UBE2J1: variants seen among roughly 807,000 people sequenced by gnomAD.
UBE2J1 encodes the protein ubiquitin conjugating enzyme E2 J1.
Under a neutral mutation model 42.1 loss-of-function variants are expected in UBE2J1, and 17 were observed. The observed-to-expected ratio is 0.40, with a 90% CI of 0.28 to 0.61. The LOEUF is 0.61. Among genes scored for constraint, UBE2J1 ranks in the 20% least tolerant of loss-of-function variants. UBE2J1 has a pLI of 0.38. For synonymous variants in UBE2J1, 127 were observed against 137.2 expected, an observed-to-expected ratio of 0.93 and a Z score of 0.52; for missense variants, 291 against 389.4, an observed-to-expected ratio of 0.75 and a Z score of 2.13.
chr6:89,338,081 A>G, intron 5 of UBE2J1, 124 bp downstream of exon 5: 3 of 615,944 alleles, frequency 4.9e-6, no homozygotes, highest in Non-Finnish European at 8.2e-6. Flanking sequence ...CAAAACTGAG[A>G]TAAGATCCTG....
intron 3 of UBE2J1, 92 bp downstream of exon 3, chr6:89,342,232 A>G (rs1236417513): frequency 1.4e-6 from 2 of 1,451,474 alleles, no homozygotes; most frequent in South Asian, 2.4e-5. Flanking sequence ...ATACTGTTCT[A>G]TTATTTCTTA....
At chr6:89,344,257 C>T (rs1468757027) in intron 1 of UBE2J1, among the ~76,000 whole-genome samples, 1 of 152,148 alleles carries the variant, frequency 6.6e-6, no homozygotes, top group Non-Finnish European at 1.5e-5. Context: ...GGATCTCATG[C>T]TCGGTGAACA....
At chr6:89,333,332 G>T in intron 6 of UBE2J1, 127 bp from the exon 7 acceptor site, 1 of 1,105,082 alleles carries the variant, frequency 9.0e-7, no homozygotes, top group Non-Finnish European at 1.3e-6. Context: ...CTATTATCAG[G>T]CAGTTAATCA....
rs750627598 is a variant in UBE2J1 at position 89,343,674 on chromosome 6, G to C, written c.105+9C>G. ...AATCCATATGAAGAACATGGAGATA[G>C]AAACTAACCTCTAAAGGCTGCGCAT... On this transcript the variant is annotated intron_variant, in intron 2 of 7. Coordinates refer to ENST00000435041, the MANE Select transcript of UBE2J1 (RefSeq NM_016021.3). 9 of 1,582,972 alleles carry C rather than the reference G, an allele frequency of 5.7e-6. No individual in the cohort carries two copies. Among genetic ancestry groups the C allele is most frequent in the Non-Finnish European group, 7.7e-6 (9 of 1,168,850 alleles).
At chr6:89,331,010 T>C (rs1235502052) in intron 7 of UBE2J1, among the ~76,000 whole-genome samples, 1 of 152,226 alleles carries the variant, frequency 6.6e-6, no homozygotes, top group Non-Finnish European at 1.5e-5. Context: ...ACATTTCCCA[T>C]TGCTTTTTGA....
At chr6:89,344,873 C>T (rs1227636565) in intron 1 of UBE2J1, among the ~76,000 whole-genome samples, 9 of 152,188 alleles carry the variant, frequency 5.9e-5, no homozygotes, top group Non-Finnish European at 1.0e-4. Flanking sequence ...TGTATCTGCA[C>T]CCTCTGTCTT....
intron 7 of UBE2J1, among the ~76,000 whole-genome samples, chr6:89,332,033 T>A (rs935696710): frequency 7.9e-5 from 12 of 152,212 alleles, no homozygotes; most frequent in African/African-American, 2.9e-4. Flanking sequence ...ACCCTGTTCT[T>A]CTTCAACCAA....
chr6:89,345,096 G>A (rs1303334737), intron 1 of UBE2J1, among the ~76,000 whole-genome samples: 1 of 152,168 alleles, frequency 6.6e-6, no homozygotes, highest in Non-Finnish European at 1.5e-5. Context: ...TCTAACTTTA[G>A]AGCAAATGGA....
At position 89,341,064 on chromosome 6, in the gene UBE2J1, C is replaced by T. The variant is rs150835300; in HGVS notation, c.237+1260G>A. Among the ~76,000 whole-genome samples, 556 of 152,284 alleles carry T rather than the reference C, an allele frequency of 3.7e-3. 4 individuals carry two copies. The highest frequency in any genetic ancestry group is 0.012 in the African/African-American group (484 of 41,562). ...TGCTGGGATTACAGGCGTGAGCCACCGCGCCCGGCCTAATTTGGTATTTAT... is the reference window on the plus strand; with the variant it reads ...TGCTGGGATTACAGGCGTGAGCCACTGCGCCCGGCCTAATTTGGTATTTAT... On this transcript the variant is annotated intron_variant, in intron 3 of 7. Transcript: ENST00000435041.
At position 89,329,651 on chromosome 6, in the gene UBE2J1, G is replaced by A; in HGVS notation, c.*28C>T. 6.2e-7 allele frequency: 1 copy of A among 1,611,668 alleles called. No homozygotes were observed. Among genetic ancestry groups the A allele is most frequent in the Non-Finnish European group, 8.5e-7 (1 of 1,178,466 alleles). The stretch of plus-strand genomic sequence containing the variant: ...GCAGAATGTTTAATGAAGCAGTTGA[G>A]TCACAGCTCATAAGTCACAAAACCA... On this transcript the variant is annotated 3_prime_UTR_variant, in exon 8 of 8. Transcript: ENST00000435041.
At chr6:89,338,964 CA>C (rs1417153033) in intron 3 of UBE2J1, among the ~76,000 whole-genome samples, 1 of 151,146 alleles carries the variant, frequency 6.6e-6, no homozygotes, top group African/African-American at 2.4e-5. Context: ...CGCGCCCGGC[CA>C]AAAAGATTTT....
intron 3 of UBE2J1, 133 bp downstream of exon 3, chr6:89,342,191 G>T: frequency 1.2e-6 from 1 of 850,030 alleles, no homozygotes; most frequent in Non-Finnish European, 1.8e-6. Context: ...AAAAATTGTA[G>T]TCCCAGGGCC....
rs1433526895 is a variant in UBE2J1 at position 89,327,633 on chromosome 6, G to C, written c.*2046C>G. 6 of 152,220 alleles carry C rather than the reference G, an allele frequency of 3.9e-5. No homozygotes were observed. 9.4% of individuals were successfully genotyped at this position (152,220 alleles called of 1,614,324 possible). A position where few individuals can be genotyped will look rare whatever the true frequency, so the allele number is the denominator to read the frequency against. On this transcript the variant is annotated 3_prime_UTR_variant, in exon 8 of 8. Coordinates refer to ENST00000435041, the MANE Select transcript of UBE2J1 (RefSeq NM_016021.3). Reference sequence around the variant, plus strand: ...AAGAGATGCAAGTCAGATAGCAAAGGATCTGCACAGTGCAAAATCTTCTTG... The same window carrying C: ...AAGAGATGCAAGTCAGATAGCAAAGCATCTGCACAGTGCAAAATCTTCTTG...
In UBE2J1 at chr6:89,329,930, A is replaced by G. The variant is rs1767977213; in HGVS notation, c.706T>C (p.Ser236Pro). The change falls in exon 8 of 8, where the codon TCC (serine) becomes CCC (proline). Residue 236 changes from serine to proline, a missense_variant. By Grantham distance (74) the Ser-to-Pro change is moderately conservative. Around this residue, in one of 2 missense-constraint regions of UBE2J1, gnomAD observed 176 missense variants for 196.3 expected, o/e 0.90. Coordinates refer to ENST00000435041, the MANE Select transcript of UBE2J1 (RefSeq NM_016021.3). ...ACAGGTTGGGTAGGTTGATGAAAGG[A>G]TGCTGCTGAGGAATTCTGGAGTCCG... The part of the protein sequence containing the change: ...SYGLQNSSAA[S>P]FHQPTQPVAK... The G allele has an allele frequency of 6.2e-7, 1 of 1,613,950 alleles. No homozygotes were observed.
At chr6:89,343,830 AATGAAAAAATGTG>A in intron 1 of UBE2J1, 74 bp from the exon 2 acceptor site, 1 of 1,176,888 alleles carries the variant, frequency 8.5e-7, no homozygotes, top group Non-Finnish European at 1.2e-6. Flanking sequence ...TTACGAGCCT[AATGAAAAAATGTG>A]TAGAGAACTA....
At chr6:89,330,503 T>C (rs552487274) in intron 7 of UBE2J1, among the ~76,000 whole-genome samples, 33 of 152,250 alleles carry the variant, frequency 2.2e-4, no homozygotes, top group African/African-American at 7.7e-4. Flanking sequence ...TGCCTTGATA[T>C]TATAAAATTC....
rs567236275 is a variant in UBE2J1, at chr6:89,333,115, T to C, written c.649A>G (p.Thr217Ala). 43 of 1,612,854 alleles carry C rather than the reference T, an allele frequency of 2.7e-5. No homozygotes were observed. The Admixed American group carries it at 4.0e-4, about 15-fold the overall frequency. The change falls in exon 7 of 8, where the codon ACA (threonine) becomes GCA (alanine). Residue 217 changes from threonine (T) to alanine (A), a missense_variant. Physicochemically the swap from Thr to Ala is moderately conservative, Grantham distance 58. This residue lies in a region of UBE2J1 where 176 missense variants were observed against 196.3 expected (regional missense o/e 0.90). Coordinates refer to ENST00000435041, the MANE Select transcript of UBE2J1 (RefSeq NM_016021.3). ...GTACTGGCCGTAGCACCCTGGAATGTTGTAGGTATATCATCTTGTAAATCA... is the reference window on the plus strand; with the variant it reads ...GTACTGGCCGTAGCACCCTGGAATGCTGTAGGTATATCATCTTGTAAATCA... ...LTDLQDDIPT[T>A]FQGATASTSY...
chr6:89,338,866 C>T (rs539702187), intron 3 of UBE2J1, among the ~76,000 whole-genome samples: 110 of 151,792 alleles, frequency 7.2e-4, no homozygotes, highest in South Asian at 2.7e-3. Context: ...GGGGTTTCAC[C>T]GTGTTAGCCA....
rs1412611102 is a variant in UBE2J1 at position 89,329,021 on chromosome 6, G to A, written c.*658C>T. The A allele has an allele frequency of 6.6e-6, 1 of 152,218 alleles. No individual in the cohort carries two copies. Among genetic ancestry groups the A allele is most frequent in the Admixed American group, 6.5e-5 (1 of 15,268 alleles). 9.4% of individuals were successfully genotyped at this position (152,218 alleles called of 1,614,324 possible). On this transcript the variant is annotated 3_prime_UTR_variant, in exon 8 of 8. Coordinates refer to ENST00000435041, the MANE Select transcript of UBE2J1 (RefSeq NM_016021.3). ...TGTGTGATTATGGCAGCAGAGGGCA[G>A]GGGGTGGTGATAACAGCATATCAAA...
Sources: gnomAD v4.1 joint callset for allele counts (sites outside exome capture counted in the v4.1 genomes callset) on GRCh38, gnomAD v4.1.1 for gene constraint, gnomAD v4.1.1 regional missense constraint, MANE v1.5 for transcripts, NCBI Gene and HGNC (gene_info 2026-07-23, HGNC 2026-07-21) for gene names.